Variants in FNDC1 observed in about 807,000 individuals in gnomAD.
FNDC1 encodes the protein fibronectin type III domain containing 1, also known as fibronectin type III domain-containing protein 1.
FNDC1 carries 96 observed loss-of-function variants against 168.0 expected under a neutral mutation model. The ratio of observed to expected loss-of-function variants is 0.57; its 90% CI spans 0.48 to 0.68. The LOEUF (loss-of-function observed/expected upper bound fraction) is 0.68. Ranked by LOEUF, FNDC1 falls within the 30% of genes least tolerant of loss-of-function variation. The probability of loss-of-function intolerance (pLI) is 0.00; values close to 1 mark genes in which losing one functional copy is unlikely to be tolerated. For synonymous variants in FNDC1, 1,099 were observed against 1,025.9 expected (o/e 1.07, Z -1.36); for missense variants, 2,587 against 2,482.1 (o/e 1.04, Z -0.90).
intron 5 of FNDC1, among the ~76,000 whole-genome samples, chr6:159,215,790 C>CT (rs1239868939): frequency 2.0e-5 from 3 of 152,088 alleles, no homozygotes; most frequent in Non-Finnish European, 4.4e-5. Context: ...GGCTGGGACG[C>CT]TAGGCCAGTC....
chr6:159,271,329 T>C lies in FNDC1; in HGVS notation c.5572T>C (p.Tyr1858His), dbSNP rs755157553. ...CCCCTCTCCTGTTGCCCTTCCAGGC[T>C]ACTATCGCCAGTATCGTCAGGAGCC... ...YVEALPTIQGYYRQYRQEPVR... is the reference protein window; with the variant it reads ...YVEALPTIQGHYRQYRQEPVR... Residue 1858 changes from tyrosine (Y) to histidine (H), a missense_variant and splice_region_variant, in exon 23 of 23, where the codon TAC (tyrosine) becomes CAC (histidine). Transcript: ENST00000297267. 3 of 1,604,086 alleles carry C rather than the reference T, an allele frequency of 1.9e-6. No individual in the cohort carries two copies. The highest frequency in any genetic ancestry group is 1.7e-6 in the Non-Finnish European group (2 of 1,175,246).
chr6:159,175,294 C>A (rs1369132673), intron 1 of FNDC1, among the ~76,000 whole-genome samples: 1 of 152,190 alleles, frequency 6.6e-6, no homozygotes, highest in African/African-American at 2.4e-5. Context: ...CTTACGAAGT[C>A]AGTAACATCC....
In FNDC1 at chr6:159,234,122, C is replaced by A; in HGVS notation, c.3610C>A (p.Pro1204Thr). ...DLLSSSVPKWPSSSTPRGGKD... is the reference protein window; with the variant it reads ...DLLSSSVPKWTSSSTPRGGKD... ...TCTGTCTTCCTCTGTGCCAAAGTGG[C>A]CCTCTTCCTCCACTCCCAGGGGCGG... Residue 1204 changes from proline (P) to threonine (T), a missense_variant, in exon 11 of 23, where the codon CCC becomes ACC. Physicochemically the swap from Pro to Thr is conservative, Grantham distance 38. Transcript: ENST00000297267. 6 of 1,603,960 alleles carry A rather than the reference C, an allele frequency of 3.7e-6. No individual in the cohort carries two copies. The highest frequency in any genetic ancestry group is 5.1e-6 in the Non-Finnish European group (6 of 1,175,096).
At chr6:159,211,267 AC>A (rs1457567982) in intron 4 of FNDC1, among the ~76,000 whole-genome samples, 2 of 152,218 alleles carry the variant, frequency 1.3e-5, no homozygotes, top group African/African-American at 4.8e-5. Context: ...GACAAACCAG[AC>A]AAATTGCGGC....
chr6:159,245,059 C>T (rs1341073695), intron 14 of FNDC1, among the ~76,000 whole-genome samples: 5 of 152,110 alleles, frequency 3.3e-5, no homozygotes, highest in East Asian at 3.9e-4. Context: ...AGAGCGAGAA[C>T]GAGAGAGCAA....
At chr6:159,212,544 G>T (rs909644285) in intron 4 of FNDC1, among the ~76,000 whole-genome samples, 1 of 152,122 alleles carries the variant, frequency 6.6e-6, no homozygotes, top group Non-Finnish European at 1.5e-5. Flanking sequence ...AAAAAATGGG[G>T]TTGGTTTTTC....
intron 17 of FNDC1, 66 bp from the exon 18 acceptor site, chr6:159,256,457 G>A: frequency 8.4e-7 from 1 of 1,196,888 alleles, no homozygotes; most frequent in Non-Finnish European, 1.2e-6. Context: ...TGTCCTCAGT[G>A]GGTTACATCT....
At chr6:159,199,213 T>C (rs1782320468) in intron 2 of FNDC1, among the ~76,000 whole-genome samples, 1 of 152,226 alleles carries the variant, frequency 6.6e-6, no homozygotes, top group South Asian at 2.1e-4. Flanking sequence ...TAGTACTTAG[T>C]AGGGTTTTAC....
intron 1 of FNDC1, among the ~76,000 whole-genome samples, chr6:159,179,095 C>T (rs762184718): frequency 3.9e-5 from 6 of 152,246 alleles, no homozygotes; most frequent in South Asian, 2.1e-4. Context: ...CTGCAATGTA[C>T]GAGGCCTCTT....
chr6:159,220,799 C>A (rs771907664), intron 5 of FNDC1, among the ~76,000 whole-genome samples: 12 of 152,204 alleles, frequency 7.9e-5, no homozygotes, highest in Non-Finnish European at 1.6e-4. Flanking sequence ...AATCCACGTA[C>A]AGTAAAGGCT....
intron 22 of FNDC1, among the ~76,000 whole-genome samples, chr6:159,269,284 C>T (rs1339158845): frequency 1.9e-4 from 8 of 42,608 alleles, no homozygotes; most frequent in Non-Finnish European, 3.0e-4. Flanking sequence ...ATCTATCTAT[C>T]TATCTATCCA....
At chr6:159,218,177 TG>T (rs1782744159) in intron 5 of FNDC1, 1 of 152,184 alleles carries the variant, frequency 6.6e-6, no homozygotes, top group Non-Finnish European at 1.5e-5. Flanking sequence ...TGGCTGGATC[TG>T]TTGTTGTTGT....
At chr6:159,182,728 A>C (rs540207404) in intron 1 of FNDC1, among the ~76,000 whole-genome samples, 48 of 152,330 alleles carry the variant, frequency 3.2e-4, no homozygotes, top group South Asian at 1.2e-3. Context: ...ACCCAATTGA[A>C]TAGCATATTC....
At chr6:159,253,353 C>T (rs184991850) in intron 17 of FNDC1, among the ~76,000 whole-genome samples, 1 of 152,326 alleles carries the variant, frequency 6.6e-6, no homozygotes, top group Admixed American at 6.5e-5. Flanking sequence ...GAACCAAACA[C>T]CGGCTCTTTC....
Position 159,233,796 on chromosome 6 carries a change from C to T in FNDC1, c.3284C>T (p.Ala1095Val). 1 of 1,537,928 alleles carries T rather than the reference C, an allele frequency of 6.5e-7. No individual in the cohort carries two copies. Among genetic ancestry groups the T allele is most frequent in the East Asian group, 2.5e-5 (1 of 40,752 alleles). The change falls in exon 11 of 23, where the codon GCG becomes GTG. Residue 1095 changes from alanine to valine, a missense_variant. Coordinates refer to ENST00000297267, the MANE Select transcript of FNDC1 (RefSeq NM_032532.3). This position sits in a 1 kb window ranked among gnomAD's most constrained non-coding sequence, Gnocchi z 4.6. Reference sequence around the variant, plus strand: ...GAGGCCCAGGATGTGCGGGCCCCCGCGCACGCCGCGCGCGCCAAGGAGGCA... The same window carrying T: ...GAGGCCCAGGATGTGCGGGCCCCCGTGCACGCCGCGCGCGCCAAGGAGGCA... ...EVEAQDVRAP[A>V]HAARAKEAAA... is the part of the protein sequence containing the mutation.
intron 16 of FNDC1, 130 bp downstream of exon 16, chr6:159,249,312 C>G: frequency 1.2e-6 from 1 of 839,862 alleles, no homozygotes; most frequent in Non-Finnish European, 1.8e-6. Flanking sequence ...GAAGTTTCCA[C>G]TGGGGATAAT....
intron 4 of FNDC1, among the ~76,000 whole-genome samples, chr6:159,202,854 A>G (rs1179020397): frequency 6.6e-6 from 1 of 152,266 alleles, no homozygotes; most frequent in African/African-American, 2.4e-5. Flanking sequence ...AAAATGTTGC[A>G]TATAATCTAT....
chr6:159,250,671 G>T (rs1377016979), intron 16 of FNDC1, among the ~76,000 whole-genome samples: 3 of 152,178 alleles, frequency 2.0e-5, no homozygotes, highest in Non-Finnish European at 4.4e-5. Flanking sequence ...TTACTCCCAG[G>T]ACCATGTATC....
In FNDC1 at chr6:159,200,601, G is replaced by A. The variant is rs1214803626; in HGVS notation, c.460+20G>A. The A allele has an allele frequency of 6.4e-7, 1 of 1,562,484 alleles. No homozygotes were observed. The highest frequency in any genetic ancestry group is 8.7e-7 in the Non-Finnish European group (1 of 1,147,800). On this transcript the variant is annotated intron_variant, in intron 4 of 22. Coordinates refer to ENST00000297267, the MANE Select transcript of FNDC1 (RefSeq NM_032532.3). The stretch of plus-strand genomic sequence containing the variant: ...TCACAGGTACTACTTCCTCCTTCAT[G>A]TCAGATTCATGTTTTCACTGAAGCA...
Sources: allele counts gnomAD v4.1 joint callset (sites outside exome capture counted in the v4.1 genomes callset), GRCh38; gene constraint gnomAD v4.1.1; non-coding constraint Gnocchi (gnomAD v3.1); transcripts MANE v1.5; gene names NCBI Gene and HGNC (gene_info 2026-07-23, HGNC 2026-07-21).